CTNNA2: variants seen among roughly 807,000 people sequenced by gnomAD.
The protein encoded by CTNNA2 is catenin alpha 2, also known as catenin alpha-2.
A neutral mutation model predicts 101.0 loss-of-function variants in CTNNA2; 42 were observed. The observed-to-expected ratio is 0.42, with a 90% confidence interval of 0.32 to 0.54. CTNNA2 has a LOEUF of 0.54. Among genes scored for constraint, CTNNA2 ranks in the 20% least tolerant of loss-of-function variants. The probability of loss-of-function intolerance (pLI) is 0.14; values close to 1 mark genes in which losing one functional copy is unlikely to be tolerated. For synonymous variants in CTNNA2, 450 were observed against 456.4 expected (o/e 0.99, Z 0.18); for missense variants, 871 against 1,223.1 (o/e 0.71, Z 4.29).
intron 4 of CTNNA2, among the ~76,000 whole-genome samples, chr2:79,859,112 G>A (rs993007319): frequency 6.6e-6 from 1 of 151,878 alleles, no homozygotes; most frequent in Non-Finnish European, 1.5e-5. Flanking sequence ...TGGACTGATC[G>A]CAGGGTACTT....
chr2:80,059,409 C>G (rs1293723886), intron 7 of CTNNA2, among the ~76,000 whole-genome samples: 1 of 152,238 alleles, frequency 6.6e-6, no homozygotes, highest in East Asian at 1.9e-4. Context: ...CATTGAAACT[C>G]TGCCTTTGCA....
chr2:80,468,512 G>A (rs957062496), intron 9 of CTNNA2, among the ~76,000 whole-genome samples: 3 of 152,054 alleles, frequency 2.0e-5, no homozygotes, highest in African/African-American at 4.8e-5. Context: ...TCCACCTCCC[G>A]GTTCAAGTGA....
chr2:79,266,393 G>A (rs183926613), intron 2 of CTNNA2, among the ~76,000 whole-genome samples: 48 of 152,272 alleles, frequency 3.2e-4, no homozygotes, highest in Non-Finnish European at 6.2e-4. Flanking sequence ...GTTACCCACC[G>A]TGGTAATGTG....
At chr2:79,247,194 ATTCACACAACTCAC>A (rs1432965916) in intron 2 of CTNNA2, among the ~76,000 whole-genome samples, 2 of 152,186 alleles carry the variant, frequency 1.3e-5, no homozygotes, top group Non-Finnish European at 2.9e-5. Flanking sequence ...CCCTGGAAAA[ATTCACACAACTCAC>A]TTCATATCGC....
At chr2:80,608,760 T>A (rs1271965323) in intron 17 of CTNNA2, among the ~76,000 whole-genome samples, 1 of 151,804 alleles carries the variant, frequency 6.6e-6, no homozygotes, top group Non-Finnish European at 1.5e-5. Context: ...TTCATCAGGT[T>A]CCAATGCATA....
intron 7 of CTNNA2, among the ~76,000 whole-genome samples, chr2:80,075,904 T>G (rs1698715833): frequency 6.6e-6 from 1 of 151,534 alleles, no homozygotes; most frequent in African/African-American, 2.4e-5. Context: ...TATGAAATGC[T>G]TACTCATCAC....
intron 1 of CTNNA2, among the ~76,000 whole-genome samples, chr2:79,555,109 C>G (rs906568586): frequency 6.6e-6 from 1 of 152,168 alleles, no homozygotes; most frequent in African/African-American, 2.4e-5. Flanking sequence ...TGCCTTAGGG[C>G]ACATTCCTTT....
At chr2:80,217,632 G>A (rs902750163) in intron 7 of CTNNA2, among the ~76,000 whole-genome samples, 1 of 152,118 alleles carries the variant, frequency 6.6e-6, no homozygotes, top group Non-Finnish European at 1.5e-5. Context: ...CACTATATTA[G>A]ATATTGCTGA....
At chr2:79,193,878 G>T (rs1558569357) in intron 1 of CTNNA2, among the ~76,000 whole-genome samples, 2 of 152,070 alleles carry the variant, frequency 1.3e-5, no homozygotes, top group Non-Finnish European at 2.9e-5. Context: ...TACTTCACAG[G>T]GTAGTTTTGA....
chr2:80,310,205 G>T (rs1412527047), intron 7 of CTNNA2, among the ~76,000 whole-genome samples: 1 of 152,036 alleles, frequency 6.6e-6, no homozygotes, highest in East Asian at 1.9e-4. Flanking sequence ...AGTGGAATTG[G>T]GTCCAAAAAA....
intron 4 of CTNNA2, among the ~76,000 whole-genome samples, chr2:79,437,326 A>G (rs78690849): frequency 0.015 from 2,313 of 152,246 alleles, 74 homozygotes; most frequent in African/African-American, 0.053. Flanking sequence ...GTTGCACACA[A>G]TTCAACTGGA....
chr2:79,962,726 T>G (rs116015950), intron 7 of CTNNA2, among the ~76,000 whole-genome samples: 1 of 152,154 alleles, frequency 6.6e-6, no homozygotes, highest in African/African-American at 2.4e-5. Context: ...CACATGTTGG[T>G]GCACATTGGA....
intron 9 of CTNNA2, among the ~76,000 whole-genome samples, chr2:80,457,084 A>G (rs979477442): frequency 2.0e-5 from 3 of 151,528 alleles, no homozygotes; most frequent in East Asian, 1.9e-4. Flanking sequence ...TTAATTTTAC[A>G]TGTTTTTTTT....
chr2:79,298,021 A>C (rs1676022759), intron 2 of CTNNA2, among the ~76,000 whole-genome samples: 1 of 152,206 alleles, frequency 6.6e-6, no homozygotes, highest in Non-Finnish European at 1.5e-5. Flanking sequence ...CCAATGCGTC[A>C]TTATCATTTA....
chr2:79,564,147 T>C (rs1674963285), intron 1 of CTNNA2, among the ~76,000 whole-genome samples: 1 of 152,104 alleles, frequency 6.6e-6, no homozygotes. Context: ...AGGGAGGTGA[T>C]AAAAACCGCA....
chr2:79,545,538 A>T (rs1209718031), intron 1 of CTNNA2, among the ~76,000 whole-genome samples: 1 of 152,242 alleles, frequency 6.6e-6, no homozygotes, highest in African/African-American at 2.4e-5. Flanking sequence ...TCATATCCTA[A>T]TTACATCAAA....
intron 7 of CTNNA2, chr2:80,298,527 G>C (rs550976870): frequency 6.6e-6 from 1 of 152,282 alleles, no homozygotes; most frequent in African/African-American, 2.4e-5. Flanking sequence ...AAAATAAGCC[G>C]GAAACACAAG....
At chr2:79,444,555 C>T (rs1255954651) in intron 4 of CTNNA2, among the ~76,000 whole-genome samples, 4 of 152,088 alleles carry the variant, frequency 2.6e-5, no homozygotes, top group African/African-American at 9.7e-5. Context: ...ATTTCCCTTG[C>T]TGCTTCTGTC....
intron 1 of CTNNA2, among the ~76,000 whole-genome samples, chr2:79,553,372 C>T (rs566532937): frequency 6.6e-6 from 1 of 152,284 alleles, no homozygotes; most frequent in South Asian, 2.1e-4. Flanking sequence ...AACCTCTTCC[C>T]GTTACCTAGT....
Sources: allele counts gnomAD v4.1 joint callset (sites outside exome capture counted in the v4.1 genomes callset), GRCh38; gene constraint gnomAD v4.1.1; transcripts MANE v1.5; gene names NCBI Gene and HGNC (gene_info 2026-07-23, HGNC 2026-07-21).